The following RBFOX1 variants were observed in gnomAD, a reference collection of about 807,000 sequenced individuals.
RBFOX1 encodes RNA binding protein fox-1 homolog 1.
A neutral mutation model predicts 57.7 loss-of-function variants in RBFOX1; 8 were observed. The ratio of observed to expected loss-of-function variants is 0.14; its 90% CI spans 0.08 to 0.25. The LOEUF (loss-of-function observed/expected upper bound fraction) is 0.25, where lower values mean the gene tolerates loss of function less well. Among genes scored for constraint, RBFOX1 ranks in the 10% least tolerant of loss-of-function variants. RBFOX1 has a pLI of 1.00. For missense variants in RBFOX1, 611 were observed against 548.5 expected, an observed-to-expected ratio of 1.11 and a Z score of -1.14; for synonymous variants, 326 against 222.4, an observed-to-expected ratio of 1.47 and a Z score of -4.15.
intron 3 of RBFOX1, among the ~76,000 whole-genome samples, chr16:6,664,380 C>A (rs906943504): frequency 2.0e-5 from 3 of 152,200 alleles, no homozygotes; most frequent in Non-Finnish European, 4.4e-5. Flanking sequence ...CAACACCTCA[C>A]CCCTGGTCCT....
chr16:5,598,231 A>T (rs998805545), intron 2 of RBFOX1, among the ~76,000 whole-genome samples: 12 of 151,926 alleles, frequency 7.9e-5, no homozygotes, highest in Non-Finnish European at 1.5e-4. Flanking sequence ...CTCAAAAAAA[A>T]AAAAATAAAT....
chr16:6,715,979 C>T (rs1351043557), intron 3 of RBFOX1, among the ~76,000 whole-genome samples: 1 of 150,434 alleles, frequency 6.6e-6, no homozygotes, highest in African/African-American at 2.5e-5. Context: ...ACCAGGTGTG[C>T]AGTGCCCAAC....
intron 3 of RBFOX1, among the ~76,000 whole-genome samples, chr16:5,731,390 G>A (rs1427718417): frequency 6.6e-6 from 1 of 152,078 alleles, no homozygotes; most frequent in Non-Finnish European, 1.5e-5. Flanking sequence ...TCTTTGTCAG[G>A]TATTATGCTA....
chr16:7,585,168 A>C (rs533824568), intron 6 of RBFOX1, among the ~76,000 whole-genome samples: 76 of 152,240 alleles, frequency 5.0e-4, no homozygotes, highest in Middle Eastern at 3.4e-3. Context: ...TGAATATTCA[A>C]GGGTGGTTGG....
intron 3 of RBFOX1, among the ~76,000 whole-genome samples, chr16:6,693,091 CCAT>C (rs55687952): frequency 0.49 from 73,220 of 149,026 alleles, 21,235 homozygotes; most frequent in Non-Finnish European, 0.63. Flanking sequence ...ACCATCACAA[CCAT>C]CATCATCATC....
At chr16:7,420,916 T>C (rs2098535485) in intron 4 of RBFOX1, among the ~76,000 whole-genome samples, 1 of 147,002 alleles carries the variant, frequency 6.8e-6, no homozygotes, top group African/African-American at 2.5e-5. Flanking sequence ...TATATACATA[T>C]ATATATATAC....
rs945968564 is a variant in RBFOX1, at chr16:6,938,066, A to T, written c.-15-113991A>T. Among the ~76,000 whole-genome samples, 6 of 151,994 alleles carry T rather than the reference A, an allele frequency of 3.9e-5. No homozygotes were observed. In the South Asian group the frequency reaches 6.2e-4, roughly 16 times the overall value. On this transcript the variant is annotated intron_variant, in intron 3 of 15. Transcript: ENST00000550418. ...GCTAATTGTGATATGGATATCCCTC[A>T]GTTTCTGCTTGCTTTTTAGAAGAAA...
At chr16:5,851,225 G>A (rs929753443) in intron 3 of RBFOX1, among the ~76,000 whole-genome samples, 4 of 152,188 alleles carry the variant, frequency 2.6e-5, no homozygotes, top group African/African-American at 9.7e-5. Context: ...TCCACACAGA[G>A]CAGGAAGGAT....
chr16:5,578,766 C>A (rs552165031), intron 2 of RBFOX1, among the ~76,000 whole-genome samples: 1 of 151,942 alleles, frequency 6.6e-6, no homozygotes, highest in African/African-American at 2.4e-5. Flanking sequence ...ATAAAAATAT[C>A]TCCACCGGGC....
chr16:7,650,657 G>A (rs1414228928), intron 11 of RBFOX1, among the ~76,000 whole-genome samples: 1 of 152,198 alleles, frequency 6.6e-6, no homozygotes, highest in Non-Finnish European at 1.5e-5. Context: ...GTGGCTGAGA[G>A]GGAGCTTGTC....
chr16:5,803,487 T>A (rs989975328), intron 3 of RBFOX1, among the ~76,000 whole-genome samples: 13 of 152,196 alleles, frequency 8.5e-5, no homozygotes, highest in African/African-American at 2.9e-4. Flanking sequence ...CCATTTTTAA[T>A]AACGGTGCTA....
At chr16:6,977,207 CAT>C (rs943884397) in intron 3 of RBFOX1, among the ~76,000 whole-genome samples, 1 of 116,576 alleles carries the variant, frequency 8.6e-6, no homozygotes, top group African/African-American at 3.7e-5. Flanking sequence ...TATGTTTTAT[CAT>C]ATATATTATC....
At chr16:6,744,393 A>C (rs2073069219) in intron 3 of RBFOX1, among the ~76,000 whole-genome samples, 2 of 152,138 alleles carry the variant, frequency 1.3e-5, no homozygotes, top group South Asian at 4.1e-4. Context: ...ATAGCAGGAT[A>C]CATATTGTTT....
chr16:6,734,843 A>G (rs1205861828), intron 3 of RBFOX1, among the ~76,000 whole-genome samples: 1 of 152,212 alleles, frequency 6.6e-6, no homozygotes, highest in East Asian at 1.9e-4. Flanking sequence ...CAGGTGCAGC[A>G]ATGAAAAGAT....
intron 3 of RBFOX1, among the ~76,000 whole-genome samples, chr16:6,863,818 A>G (rs1298788179): frequency 6.3e-5 from 9 of 142,542 alleles, no homozygotes; most frequent in Non-Finnish European, 3.0e-5. Context: ...AGGATGTGCT[A>G]TGAAAGGAGC....
intron 4 of RBFOX1, among the ~76,000 whole-genome samples, chr16:7,511,403 T>A (rs1350119491): frequency 2.0e-5 from 3 of 152,182 alleles, no homozygotes; most frequent in African/African-American, 7.2e-5. Flanking sequence ...ATTTTCTCTC[T>A]GACTCTGTCT....
intron 4 of RBFOX1, among the ~76,000 whole-genome samples, chr16:5,939,746 C>T (rs1209608435): frequency 6.6e-6 from 1 of 152,178 alleles, no homozygotes; most frequent in Non-Finnish European, 1.5e-5. Context: ...TCTAAAACCA[C>T]CATACCAGCT....
chr16:5,663,271 C>T (rs1339732819), intron 3 of RBFOX1, among the ~76,000 whole-genome samples: 1 of 152,080 alleles, frequency 6.6e-6, no homozygotes, highest in Non-Finnish European at 1.5e-5. Flanking sequence ...AGTGCAGTGG[C>T]ACGAACATGG....
rs542239796 is a variant in RBFOX1, at chr16:7,576,126, G to A, written c.271-3651G>A. 6.6e-5 allele frequency among the ~76,000 whole-genome samples: 10 copies of A among 151,184 alleles called. No individual in the cohort carries two copies. In the South Asian group the frequency reaches 1.7e-3, roughly 25 times the overall value. On this transcript the variant is annotated intron_variant, in intron 5 of 15. Coordinates refer to ENST00000550418, the MANE Select transcript of RBFOX1 (RefSeq NM_018723.4). ...TTTTTTTTTTAATTTATTTAGTGGA[G>A]ACAGGGTCTCACTATGTTGCAGGCT...
Sources: gnomAD v4.1 joint callset for allele counts (sites outside exome capture counted in the v4.1 genomes callset) on GRCh38, gnomAD v4.1.1 for gene constraint, MANE v1.5 for transcripts, NCBI Gene and HGNC (gene_info 2026-07-23, HGNC 2026-07-21) for gene names.